ALCAM: variants seen among roughly 807,000 people sequenced by gnomAD.
The protein encoded by ALCAM is activated leukocyte cell adhesion molecule, also known as CD166 antigen.
A neutral mutation model predicts 70.9 loss-of-function variants in ALCAM; 30 were observed. The observed-to-expected ratio is 0.42, with a 90% CI of 0.32 to 0.57. The LOEUF (loss-of-function observed/expected upper bound fraction) is 0.57, where lower values mean the gene tolerates loss of function less well. Among genes scored for constraint, ALCAM ranks in the 20% least tolerant of loss-of-function variants. The pLI is 0.11. For synonymous variants in ALCAM, 249 were observed against 242.5 expected (o/e 1.03, Z -0.25); for missense variants, 591 against 695.1 (o/e 0.85, Z 1.68).
chr3:105,422,922 G>T (rs552237966), intron 1 of ALCAM, among the ~76,000 whole-genome samples: 4 of 151,544 alleles, frequency 2.6e-5, no homozygotes, highest in Admixed American at 2.0e-4. Flanking sequence ...ACTATCAGTT[G>T]TACTAGTTCG....
At chr3:105,394,696 A>T (rs1288202585) in intron 1 of ALCAM, among the ~76,000 whole-genome samples, 3 of 151,712 alleles carry the variant, frequency 2.0e-5, no homozygotes, top group Admixed American at 2.0e-4. Context: ...GTACTACACA[A>T]CTCCAATTTT....
intron 1 of ALCAM, among the ~76,000 whole-genome samples, chr3:105,519,436 G>A (rs752072311): frequency 6.6e-6 from 1 of 151,790 alleles, no homozygotes. Context: ...ACTTTATGAA[G>A]CATGTTCATA....
chr3:105,431,086 T>C (rs6767814), intron 1 of ALCAM, among the ~76,000 whole-genome samples: 106,468 of 151,020 alleles, frequency 0.7, 37,828 homozygotes, highest in East Asian at 0.93. Context: ...AGAAAGTATA[T>C]TCTATTAAGA....
intron 1 of ALCAM, among the ~76,000 whole-genome samples, chr3:105,509,330 G>C (rs1559815785): frequency 1.3e-5 from 2 of 151,928 alleles, no homozygotes; most frequent in Non-Finnish European, 2.9e-5. Context: ...TTGCCACCAA[G>C]AGCGTACAAG....
intron 6 of ALCAM, among the ~76,000 whole-genome samples, chr3:105,538,009 G>A (rs1430864683): frequency 6.6e-6 from 1 of 152,106 alleles, no homozygotes; most frequent in African/African-American, 2.4e-5. Flanking sequence ...CTGGGTTCAA[G>A]CCAAATTGTG....
chr3:105,529,203 T>C (rs1939778399), intron 3 of ALCAM, among the ~76,000 whole-genome samples: 1 of 152,218 alleles, frequency 6.6e-6, no homozygotes, highest in Admixed American at 6.5e-5. Flanking sequence ...TTGATAAATA[T>C]TCAGTTGAAT....
At chr3:105,419,534 G>C (rs996516065) in intron 1 of ALCAM, among the ~76,000 whole-genome samples, 2 of 151,780 alleles carry the variant, frequency 1.3e-5, no homozygotes, top group Non-Finnish European at 2.9e-5. Flanking sequence ...GCATTGCAGA[G>C]AACATAGCAA....
At chr3:105,548,473 G>C (rs1271299143) in intron 11 of ALCAM, among the ~76,000 whole-genome samples, 1 of 151,364 alleles carries the variant, frequency 6.6e-6, no homozygotes, top group African/African-American at 2.4e-5. Flanking sequence ...AAAGCAAAGA[G>C]CTGTAAATTA....
Position 105,397,768 on chromosome 3 carries a change from T to A in ALCAM, c.73+30287T>A, listed in dbSNP as rs568242695. 2.5e-4 allele frequency among the ~76,000 whole-genome samples: 38 copies of A among 152,186 alleles called. No individual in the cohort carries two copies. In the South Asian group the frequency reaches 6.2e-3, roughly 25 times the overall value. Reference sequence around the variant, plus strand: ...GCAAATAAGAACTGAACCAATAAAATGAAGCTTTTAAAAAAATTGAACTTC... The same window carrying A: ...GCAAATAAGAACTGAACCAATAAAAAGAAGCTTTTAAAAAAATTGAACTTC... On this transcript the variant is annotated intron_variant, in intron 1 of 15. Coordinates refer to ENST00000306107, the MANE Select transcript of ALCAM (RefSeq NM_001627.4).
At chr3:105,527,445 T>C (rs1335543460) in intron 3 of ALCAM, among the ~76,000 whole-genome samples, 1 of 152,132 alleles carries the variant, frequency 6.6e-6, no homozygotes, top group East Asian at 1.9e-4. Context: ...ATGAATACTT[T>C]GGATGAGACG....
intron 14 of ALCAM, among the ~76,000 whole-genome samples, chr3:105,563,667 C>CTTTTTTTTTTTTTTTTTTTTT (rs749625480): frequency 1.9e-4 from 10 of 52,046 alleles, no homozygotes; most frequent in Admixed American, 3.4e-4. Context: ...CCAAGCATTT[C>CTTTTTTTTTTTTTTTTTTTTT]TTTTTTTTTT....
chr3:105,467,020 G>A (rs953016661), intron 1 of ALCAM, among the ~76,000 whole-genome samples: 2 of 151,308 alleles, frequency 1.3e-5, no homozygotes, highest in African/African-American at 4.8e-5. Flanking sequence ...TGTGTAGAAT[G>A]GAGTTTAATT....
At chr3:105,404,914 G>A (rs533040024) in intron 1 of ALCAM, among the ~76,000 whole-genome samples, 50 of 152,102 alleles carry the variant, frequency 3.3e-4, no homozygotes, top group Admixed American at 2.2e-3. Flanking sequence ...GCAAATGGAC[G>A]CTAAAAGCAA....
chr3:105,538,527 A>G (rs1940028622), intron 6 of ALCAM, among the ~76,000 whole-genome samples: 1 of 152,134 alleles, frequency 6.6e-6, no homozygotes, highest in Non-Finnish European at 1.5e-5. Flanking sequence ...AGCGGAGCCT[A>G]TTGAAAAGGG....
At position 105,575,784 on chromosome 3, in the gene ALCAM, G is replaced by C. The variant is rs1576251221; in HGVS notation, c.*1333G>C. The C allele has an allele frequency of 1.3e-5, 2 of 152,066 alleles. No individual in the cohort carries two copies. Among genetic ancestry groups the C allele is most frequent in the South Asian group, 4.2e-4 (2 of 4,818 alleles). The allele number at this position is 152,066 out of a possible 1,614,324, so 9.4% of individuals were successfully genotyped here. A position where few individuals can be genotyped will look rare whatever the true frequency, so the allele number is the denominator to read the frequency against. ...ACACTGCACAGCGATTTCTTTCCCAGGATTTACACAACTTTAAAGGGAAGA... is the reference window on the plus strand; with the variant it reads ...ACACTGCACAGCGATTTCTTTCCCACGATTTACACAACTTTAAAGGGAAGA... On this transcript the variant is annotated 3_prime_UTR_variant, in exon 16 of 16. Coordinates refer to ENST00000306107, the MANE Select transcript of ALCAM (RefSeq NM_001627.4).
intron 1 of ALCAM, among the ~76,000 whole-genome samples, chr3:105,480,351 C>CAATA (rs200096110): frequency 0.025 from 3,824 of 150,212 alleles, 56 homozygotes; most frequent in South Asian, 0.033. Flanking sequence ...GATGTTGTCT[C>CAATA]AATAAATAAA....
intron 14 of ALCAM, among the ~76,000 whole-genome samples, chr3:105,563,667 C>CCTTTTTTTTTTT (rs1940677953): frequency 5.8e-5 from 3 of 52,034 alleles, no homozygotes; most frequent in Admixed American, 3.4e-4. Context: ...CCAAGCATTT[C>CCTTTTTTTTTTT]TTTTTTTTTT....
chr3:105,426,357 T>C (rs1461205254), intron 1 of ALCAM, among the ~76,000 whole-genome samples: 1 of 151,998 alleles, frequency 6.6e-6, no homozygotes, highest in African/African-American at 2.4e-5. Flanking sequence ...CTTTAAAATG[T>C]ACATATAACA....
chr3:105,471,640 A>G (rs1004858500), intron 1 of ALCAM, among the ~76,000 whole-genome samples: 2 of 148,596 alleles, frequency 1.3e-5, no homozygotes, highest in African/African-American at 5.0e-5. Context: ...ATGAAAAACG[A>G]CTTTTTGGTT....
Sources: gnomAD v4.1 joint callset for allele counts (sites outside exome capture counted in the v4.1 genomes callset) on GRCh38, gnomAD v4.1.1 for gene constraint, MANE v1.5 for transcripts, NCBI Gene and HGNC (gene_info 2026-07-23, HGNC 2026-07-21) for gene names.